The following TRIM5 variants were observed in gnomAD, a reference collection of about 807,000 sequenced individuals.
TRIM5 encodes the protein tripartite motif containing 5, also known as tripartite motif-containing protein 5.
In TRIM5, 31 loss-of-function variants were observed where a neutral mutation model predicts 35.6. The observed-to-expected ratio is 0.87, with a 90% CI of 0.65 to 1.18. TRIM5 has a LOEUF of 1.18. Among genes scored for constraint, TRIM5 ranks in the 50% most tolerant of loss-of-function variants. The probability of loss-of-function intolerance (pLI) is 0.00; values close to 1 mark genes in which losing one functional copy is unlikely to be tolerated. For synonymous variants in TRIM5, 243 were observed against 215.6 expected (o/e 1.13, Z -1.11); for missense variants, 609 against 591.6 (o/e 1.03, Z -0.31).
chr11:5,665,558 A>T lies in TRIM5; in HGVS notation c.895+98T>A, dbSNP rs1345911710. On this transcript the variant is annotated intron_variant, in intron 7 of 7. Transcript: ENST00000380034. ...TCTTGGAAGGAGAATCATAAATCTT[A>T]AAACATGAGCCTAATAGAGAACATA... The T allele has an allele frequency of 2.5e-6, 4 of 1,578,640 alleles. No individual in the cohort carries two copies. In the South Asian group the frequency reaches 3.6e-5, roughly 14 times the overall value.
chr11:5,592,914 CAAAAAAA>C, the TRIM5 span, among the ~76,000 whole-genome samples: 1 of 67,246 alleles, frequency 1.5e-5, no homozygotes, highest in African/African-American at 6.4e-5. Context: ...GAGATTGTCT[CAAAAAAA>C]AAAAAAAAAG....
chr11:5,611,761 C>CAAACA, the TRIM5 span: 2 of 186,312 alleles, frequency 1.1e-5, no homozygotes, highest in Non-Finnish European at 2.3e-5. Flanking sequence ...ACAGTTCTTT[C>CAAACA]GTTTTAAACA....
At chr11:5,647,331 A>G in the TRIM5 span, among the ~76,000 whole-genome samples, 1 of 152,208 alleles carries the variant, frequency 6.6e-6, no homozygotes, top group Non-Finnish European at 1.5e-5. Context: ...TATCTGACTG[A>G]GATGAATCAA....
intron 1 of TRIM5, among the ~76,000 whole-genome samples, chr11:5,681,229 G>T (rs563190877): frequency 2.0e-5 from 3 of 152,114 alleles, no homozygotes; most frequent in African/African-American, 7.2e-5. Flanking sequence ...TTCTGTTCCC[G>T]GAACAAACGG....
chr11:5,615,570 G>A, the TRIM5 span, among the ~76,000 whole-genome samples: 1 of 115,290 alleles, frequency 8.7e-6, no homozygotes, highest in Non-Finnish European at 1.9e-5. Flanking sequence ...CAGCTTTCTT[G>A]TTTTTTGTTT....
the TRIM5 span, chr11:5,595,170 C>T: frequency 1.3e-5 from 2 of 152,216 alleles, no homozygotes; most frequent in Non-Finnish European, 2.9e-5. Context: ...ATGGACACCC[C>T]AGTCCCTTCT....
At chr11:5,653,418 T>A in the TRIM5 span, among the ~76,000 whole-genome samples, 1 of 152,164 alleles carries the variant, frequency 6.6e-6, no homozygotes, top group Admixed American at 6.5e-5. Flanking sequence ...TAGATTTTCC[T>A]TGCTTTCTCT....
the TRIM5 span, chr11:5,608,443 T>G: frequency 6.2e-7 from 1 of 1,610,168 alleles, no homozygotes; most frequent in Non-Finnish European, 8.5e-7. Context: ...GACAAATGAT[T>G]CCTTTACCCA....
At chr11:5,654,796 T>C in the TRIM5 span, among the ~76,000 whole-genome samples, 1 of 152,164 alleles carries the variant, frequency 6.6e-6, no homozygotes, top group African/African-American at 2.4e-5. Context: ...AATTGTAGGT[T>C]AAAATTTGTC....
At chr11:5,604,572 G>C in the TRIM5 span, 1 of 1,613,170 alleles carries the variant, frequency 6.2e-7, no homozygotes, top group Non-Finnish European at 8.5e-7. Flanking sequence ...TGAAGAACGA[G>C]GAGCAGGAAG....
intron 4 of TRIM5, among the ~76,000 whole-genome samples, chr11:5,676,103 G>T (rs1427927897): frequency 2.7e-5 from 4 of 146,612 alleles, no homozygotes; most frequent in African/African-American, 9.9e-5. Flanking sequence ...GTCTATCATT[G>T]TTGGACATTT....
chr11:5,673,534 A>G (rs1851724355), intron 4 of TRIM5, among the ~76,000 whole-genome samples: 1 of 152,184 alleles, frequency 6.6e-6, no homozygotes, highest in Non-Finnish European at 1.5e-5. Context: ...TAGTATAAAA[A>G]CCATAAAGGA....
At chr11:5,678,030 G>A in intron 4 of TRIM5, 174 bp downstream of exon 4, 1 of 561,568 alleles carries the variant, frequency 1.8e-6, no homozygotes, top group Non-Finnish European at 3.0e-6. Context: ...AATAAAAATG[G>A]GATTATCTCT....
the TRIM5 span, among the ~76,000 whole-genome samples, chr11:5,600,525 A>C: frequency 3.9e-5 from 6 of 152,218 alleles, no homozygotes; most frequent in African/African-American, 1.2e-4. Context: ...TTATGCTTAC[A>C]TCCCATGACT....
chr11:5,676,164 G>A (rs1337755753), intron 4 of TRIM5, among the ~76,000 whole-genome samples: 14 of 151,242 alleles, frequency 9.3e-5, no homozygotes, highest in South Asian at 4.2e-4. Flanking sequence ...ATAAACATAC[G>A]TGTGCATGTG....
the TRIM5 span, among the ~76,000 whole-genome samples, chr11:5,654,703 G>T: frequency 6.6e-6 from 1 of 152,158 alleles, no homozygotes. Context: ...AATGTGCTTA[G>T]AGTGTTGTGT....
chr11:5,654,731 C>T, the TRIM5 span, among the ~76,000 whole-genome samples: 1 of 152,056 alleles, frequency 6.6e-6, no homozygotes, highest in Non-Finnish European at 1.5e-5. Flanking sequence ...AGATTAACCA[C>T]ATGCATTGAG....
the TRIM5 span, chr11:5,643,127 T>TATA: frequency 1.7e-3 from 894 of 520,476 alleles, 4 homozygotes; most frequent in East Asian, 6.9e-3. Context: ...ATATATATAT[T>TATA]TTTTTTTTTC....
chr11:5,611,237 C>T, the TRIM5 span: 1 of 1,614,024 alleles, frequency 6.2e-7, no homozygotes. Context: ...ACCATGGCTT[C>T]CCCATCTACA....
Sources: allele counts gnomAD v4.1 joint callset (sites outside exome capture counted in the v4.1 genomes callset), GRCh38; gene constraint gnomAD v4.1.1; transcripts MANE v1.5; gene names NCBI Gene and HGNC (gene_info 2026-07-23, HGNC 2026-07-21).